Variants in ARSJ observed in about 807,000 individuals in gnomAD.
The protein encoded by ARSJ is arylsulfatase family member J.
In ARSJ, 26 loss-of-function variants were observed where a neutral mutation model predicts 35.9. The observed-to-expected ratio is 0.72, with a 90% CI of 0.53 to 1.00. The LOEUF is 1.00. Ranked by LOEUF, ARSJ falls within the 50% of genes least tolerant of loss-of-function variation. The pLI, the probability that ARSJ is intolerant of heterozygous loss-of-function variation, is 0.00. For synonymous variants in ARSJ, 294 were observed against 267.6 expected, an observed-to-expected ratio of 1.10 and a Z score of -0.96; for missense variants, 667 against 723.6, an observed-to-expected ratio of 0.92 and a Z score of 0.90.
Position 113,927,787 on chromosome 4 carries a change from G to GT in ARSJ, c.399-24113_399-24112insA, listed in dbSNP as rs144230686. The stretch of plus-strand genomic sequence containing the variant: ...AGGCCAAATGGAAGAGTTGAATGGG[G>GT]ATGTGGTGGGAATCACCACCCCTGC... On this transcript the variant is annotated intron_variant, in intron 1 of 1. Coordinates refer to ENST00000315366, the MANE Select transcript of ARSJ (RefSeq NM_024590.4). 7.4e-3 allele frequency among the ~76,000 whole-genome samples: 1,129 copies of GT among 152,262 alleles called. 20 individuals carry two copies. The highest frequency in any genetic ancestry group is 8.2e-3 in the Non-Finnish European group (555 of 68,002).
chr4:113,922,188 C>G (rs944238916), intron 1 of ARSJ, among the ~76,000 whole-genome samples: 3 of 152,040 alleles, frequency 2.0e-5, no homozygotes, highest in Admixed American at 6.6e-5. Flanking sequence ...AAATCTTATG[C>G]CTTAGTCAAA....
intron 1 of ARSJ, among the ~76,000 whole-genome samples, chr4:113,916,576 C>T (rs1313998679): frequency 2.6e-5 from 4 of 151,882 alleles, no homozygotes; most frequent in Admixed American, 1.3e-4. Context: ...ATGTCTTCCT[C>T]CCCCTTCTGC....
At chr4:113,920,948 A>G (rs1251369513) in intron 1 of ARSJ, among the ~76,000 whole-genome samples, 1 of 152,134 alleles carries the variant, frequency 6.6e-6, no homozygotes, top group East Asian at 1.9e-4. Context: ...GGCGCTAATA[A>G]TAACAGACTG....
At chr4:113,915,142 C>T (rs1723214481) in intron 1 of ARSJ, among the ~76,000 whole-genome samples, 1 of 152,094 alleles carries the variant, frequency 6.6e-6, no homozygotes. Flanking sequence ...GCCCAATTAA[C>T]AGGTATTAGA....
Position 113,903,363 on chromosome 4 carries a change from G to T in ARSJ, c.711C>A (p.Tyr237Ter), listed in dbSNP as rs1435078336. ...CTCTCTGAGTGTACATCTGTGTGGA[G>T]TATATGCCATTGTCATAGTCCCAGG... is the stretch of plus-strand genomic sequence containing the variant. Reference protein sequence around the residue: ...NAAWDYDNGIYSTQMYTQRVQ... With the variant: ...NAAWDYDNGI Residue 237 changes from tyrosine to a stop codon, truncating the protein, a stop_gained, in exon 2 of 2, where the codon TAC (tyrosine) becomes TAA (stop). Transcript: ENST00000315366. LOFTEE classifies it high-confidence loss of function. 1 of 1,614,140 alleles carries T rather than the reference G, an allele frequency of 6.2e-7. No individual in the cohort carries two copies. Among genetic ancestry groups the T allele is most frequent in the Non-Finnish European group, 8.5e-7 (1 of 1,180,036 alleles).
chr4:113,930,341 G>A (rs1219216888), intron 1 of ARSJ, among the ~76,000 whole-genome samples: 1 of 152,042 alleles, frequency 6.6e-6, no homozygotes, highest in African/African-American at 2.4e-5. Flanking sequence ...TGGAGGCTAG[G>A]CCAGTCTCAC....
At chr4:113,966,592 T>C (rs1228352152) in intron 1 of ARSJ, among the ~76,000 whole-genome samples, 3 of 152,194 alleles carry the variant, frequency 2.0e-5, no homozygotes, top group African/African-American at 4.8e-5. Context: ...AATGAGCTGA[T>C]GAAAGGATAT....
At chr4:113,967,570 A>C (rs1322678582) in intron 1 of ARSJ, among the ~76,000 whole-genome samples, 1 of 152,134 alleles carries the variant, frequency 6.6e-6, no homozygotes, top group East Asian at 1.9e-4. Context: ...TGAAGTGTGG[A>C]GCTGGGGTTA....
chr4:113,978,525 C>G lies in ARSJ; in HGVS notation c.310G>C (p.Asp104His). 2 of 1,614,186 alleles carry G rather than the reference C, an allele frequency of 1.2e-6. No individual in the cohort carries two copies. Among genetic ancestry groups the G allele is most frequent in the Non-Finnish European group, 1.7e-6 (2 of 1,180,012 alleles). ...HGSEIKTPTL[D>H]KLAAEGVKLE... ...TTAACTCCTTCGGCAGCGAGCTTGT[C>G]AAGAGTAGGTGTTTTAATCTCAGAT... The change falls in exon 1 of 2, where the codon GAC (aspartate) becomes CAC (histidine). Residue 104 changes from aspartate to histidine, a missense_variant. Coordinates refer to ENST00000315366, the MANE Select transcript of ARSJ (RefSeq NM_024590.4).
At chr4:113,959,927 G>C (rs1006388003) in intron 1 of ARSJ, among the ~76,000 whole-genome samples, 1 of 151,878 alleles carries the variant, frequency 6.6e-6, no homozygotes, top group Non-Finnish European at 1.5e-5. Context: ...AAGCCTTCTA[G>C]TTTCTCTTGT....
chr4:113,927,852 C>T (rs1367663926), intron 1 of ARSJ, among the ~76,000 whole-genome samples: 1 of 152,164 alleles, frequency 6.6e-6, no homozygotes, highest in African/African-American at 2.4e-5. Context: ...TCTCTGCAAT[C>T]CATCCAGGGA....
intron 1 of ARSJ, among the ~76,000 whole-genome samples, chr4:113,926,732 C>A (rs2149261941): frequency 6.6e-6 from 1 of 152,288 alleles, no homozygotes; most frequent in South Asian, 2.1e-4. Context: ...GGTCAGAAAG[C>A]ATCCAGTTCA....
intron 1 of ARSJ, among the ~76,000 whole-genome samples, chr4:113,947,528 G>A (rs1199857327): frequency 6.8e-6 from 1 of 146,758 alleles, no homozygotes; most frequent in Non-Finnish European, 1.5e-5. Flanking sequence ...GAGAGAGGGA[G>A]GGAGGGAGGG....
At chr4:113,943,435 A>G (rs1391411159) in intron 1 of ARSJ, 2 of 152,006 alleles carry the variant, frequency 1.3e-5, no homozygotes, top group Non-Finnish European at 2.9e-5. Context: ...AAATATCTCA[A>G]ATACATTTTC....
chr4:113,966,942 A>G (rs951382615), intron 1 of ARSJ, among the ~76,000 whole-genome samples: 1 of 152,138 alleles, frequency 6.6e-6, no homozygotes, highest in African/African-American at 2.4e-5. Context: ...GCTTGAGAAC[A>G]ACCAAGTTTC....
At chr4:113,941,304 T>C (rs576505255) in intron 1 of ARSJ, among the ~76,000 whole-genome samples, 1 of 152,198 alleles carries the variant, frequency 6.6e-6, no homozygotes, top group East Asian at 1.9e-4. Flanking sequence ...AGTGTAGTTT[T>C]TTGGTATCTC....
At chr4:113,950,559 G>A (rs1447031131) in intron 1 of ARSJ, among the ~76,000 whole-genome samples, 1 of 151,962 alleles carries the variant, frequency 6.6e-6, no homozygotes. Flanking sequence ...GAGGGAAAAA[G>A]GGTGAATATA....
intron 1 of ARSJ, among the ~76,000 whole-genome samples, chr4:113,944,509 A>G (rs994594362): frequency 2.6e-5 from 4 of 152,070 alleles, no homozygotes; most frequent in East Asian, 1.9e-4. Context: ...AACATGTCCA[A>G]TAAAATTATA....
intron 1 of ARSJ, among the ~76,000 whole-genome samples, chr4:113,933,423 A>G (rs1562352637): frequency 1.3e-5 from 2 of 151,894 alleles, no homozygotes; most frequent in Non-Finnish European, 1.5e-5. Context: ...GGCCAATATC[A>G]GTGATGAACA....
Sources: gnomAD v4.1 joint callset for allele counts (sites outside exome capture counted in the v4.1 genomes callset) on GRCh38, gnomAD v4.1.1 for gene constraint, MANE v1.5 for transcripts, NCBI Gene and HGNC (gene_info 2026-07-23, HGNC 2026-07-21) for gene names.